Variants in USP15 observed in about 807,000 individuals in gnomAD.
USP15 encodes the protein ubiquitin carboxyl-terminal hydrolase 15.
In USP15, 18 loss-of-function variants were observed where a neutral mutation model predicts 127.1. That is an observed-to-expected ratio of 0.14 (90% CI 0.10 to 0.21). The LOEUF (loss-of-function observed/expected upper bound fraction) is 0.21. Ranked by LOEUF, USP15 falls within the 10% of genes least tolerant of loss-of-function variation. The probability of loss-of-function intolerance (pLI) is 1.00; values close to 1 mark genes in which losing one functional copy is unlikely to be tolerated. For synonymous variants in USP15, 364 were observed against 393.7 expected, an observed-to-expected ratio of 0.92 and a Z score of 0.89; for missense variants, 805 against 1,159.9, an observed-to-expected ratio of 0.69 and a Z score of 4.44.
At chr12:62,314,694 G>A (rs2064780496) in intron 3 of USP15, 96 bp from the exon 4 acceptor site, 1 of 1,166,538 alleles carries the variant, frequency 8.6e-7, no homozygotes. Flanking sequence ...TTTCACTGGA[G>A]ATCTGCAGTT....
At chr12:62,351,885 GT>G (rs1168079814) in intron 7 of USP15, among the ~76,000 whole-genome samples, 3,412 of 144,166 alleles carry the variant, frequency 0.024, 126 homozygotes, top group African/African-American at 0.078. Flanking sequence ...AAAATGGAAA[GT>G]TTTTTTTTTT....
At chr12:62,387,913 A>G (rs2067203822) in intron 11 of USP15, among the ~76,000 whole-genome samples, 1 of 152,102 alleles carries the variant, frequency 6.6e-6, no homozygotes, top group African/African-American at 2.4e-5. Flanking sequence ...ATAGACGCTA[A>G]GGTTAGCTTT....
intron 4 of USP15, among the ~76,000 whole-genome samples, chr12:62,319,632 C>G (rs1382691316): frequency 6.6e-6 from 1 of 152,166 alleles, no homozygotes; most frequent in Non-Finnish European, 1.5e-5. Flanking sequence ...ATTTGCACCT[C>G]AAGGCTTTTG....
rs1000375722 is a variant in USP15 at position 62,407,119 on chromosome 12, A to C, written c.*2744A>C. The stretch of plus-strand genomic sequence containing the variant: ...CTGTAGAATAATGATGATAATAGCC[A>C]GCATTTATTGAGCACTTACTATGGA... On this transcript the variant is annotated 3_prime_UTR_variant, in exon 22 of 22. Coordinates refer to ENST00000280377, the MANE Select transcript of USP15 (RefSeq NM_001252078.2). 3 of 152,204 alleles carry C rather than the reference A, an allele frequency of 2.0e-5. No homozygotes were observed. Among genetic ancestry groups the C allele is most frequent in the Non-Finnish European group, 2.9e-5 (2 of 68,030 alleles). The allele number at this position is 152,204 out of a possible 1,614,324, so 9.4% of individuals were successfully genotyped here. A position where few individuals can be genotyped will look rare whatever the true frequency, so the allele number is the denominator to read the frequency against.
At chr12:62,300,657 A>T (rs2064285066) in intron 2 of USP15, among the ~76,000 whole-genome samples, 1 of 152,160 alleles carries the variant, frequency 6.6e-6, no homozygotes, top group African/African-American at 2.4e-5. Flanking sequence ...TTCACTGGCA[A>T]AAGGATAGTC....
intron 1 of USP15, among the ~76,000 whole-genome samples, chr12:62,289,815 T>C (rs1249826024): frequency 6.6e-6 from 1 of 151,914 alleles, no homozygotes; most frequent in Non-Finnish European, 1.5e-5. Context: ...TATCTCCTTT[T>C]TCATTCATTT....
At chr12:62,336,814 A>G (rs1472733772) in intron 6 of USP15, 2 of 152,506 alleles carry the variant, frequency 1.3e-5, no homozygotes, top group African/African-American at 4.8e-5. Flanking sequence ...ACATGAAGCA[A>G]AATCAGCCTC....
intron 8 of USP15, among the ~76,000 whole-genome samples, chr12:62,379,532 T>G (rs940027887): frequency 1.1e-4 from 17 of 152,138 alleles, no homozygotes; most frequent in African/African-American, 3.9e-4. Context: ...GATAAGAGTA[T>G]ATGTGAATAA....
chr12:62,367,748 T>C (rs998430942), intron 8 of USP15, among the ~76,000 whole-genome samples: 2 of 152,178 alleles, frequency 1.3e-5, no homozygotes, highest in Non-Finnish European at 2.9e-5. Context: ...GTTTATCTTT[T>C]CTAAAAACTA....
At chr12:62,346,183 T>C (rs1355508009) in intron 6 of USP15, among the ~76,000 whole-genome samples, 1 of 152,218 alleles carries the variant, frequency 6.6e-6, no homozygotes, top group Non-Finnish European at 1.5e-5. Flanking sequence ...GTAGCAGATA[T>C]GCTTTATGCA....
intron 6 of USP15, among the ~76,000 whole-genome samples, chr12:62,328,014 G>A (rs1024803416): frequency 3.3e-5 from 5 of 152,060 alleles, no homozygotes; most frequent in African/African-American, 1.2e-4. Flanking sequence ...TAAGAATAAA[G>A]GGAAATTCTA....
Position 62,384,150 on chromosome 12 carries a change from C to G in USP15, c.1321C>G (p.Leu441Val), listed in dbSNP as rs1411792848. 6.2e-7 allele frequency: 1 copy of G among 1,612,764 alleles called. No homozygotes were observed. Among genetic ancestry groups the G allele is most frequent in the Non-Finnish European group, 8.5e-7 (1 of 1,179,258 alleles). ...DSIIVDIFHG[L>V]FKSTLVCPEC... ...TATCATAGTAGATATATTTCATGGC[C>G]TTTTCAAATCAACTTTAGTTTGTCC... The change falls in exon 11 of 22, where the codon CTT becomes GTT. Residue 441 changes from leucine to valine, a missense_variant. By Grantham distance (32) the Leu-to-Val change is conservative. This residue lies in a region of USP15 where 84 missense variants were observed against 210.3 expected (regional missense o/e 0.40). Transcript: ENST00000280377.
intron 17 of USP15, 129 bp from the exon 18 acceptor site, chr12:62,392,143 A>G: frequency 1.4e-6 from 1 of 737,100 alleles, no homozygotes; most frequent in South Asian, 1.8e-5. Context: ...TATAAATCTC[A>G]ACTGAAATAA....
intron 8 of USP15, among the ~76,000 whole-genome samples, chr12:62,368,003 G>A (rs879146542): frequency 8.5e-5 from 13 of 152,112 alleles, no homozygotes; most frequent in African/African-American, 2.7e-4. Context: ...ATTCTGGTAC[G>A]TTGTATCTTT....
chr12:62,382,310 A>G (rs1013780581), intron 9 of USP15, among the ~76,000 whole-genome samples: 1 of 151,960 alleles, frequency 6.6e-6, no homozygotes, highest in Non-Finnish European at 1.5e-5. Context: ...TGCCTACTTA[A>G]TTATATAGGT....
chr12:62,333,499 T>C (rs1382040626), intron 6 of USP15, among the ~76,000 whole-genome samples: 3 of 152,152 alleles, frequency 2.0e-5, no homozygotes, highest in Non-Finnish European at 4.4e-5. Flanking sequence ...GGTTTCACCA[T>C]GTTGCCCAGG....
Position 62,338,087 on chromosome 12 carries a change from G to A in USP15, c.684-11134G>A, listed in dbSNP as rs146609267. On this transcript the variant is annotated intron_variant, in intron 6 of 21. Transcript: ENST00000280377. Reference sequence around the variant, plus strand: ...TTCCACAATGGTTGAACTAATTTACGGTCCCACCAGTAGTGTAAAAGCATT... The same window carrying A: ...TTCCACAATGGTTGAACTAATTTACAGTCCCACCAGTAGTGTAAAAGCATT... Among the ~76,000 whole-genome samples the A allele has an allele frequency of 3.9e-3, 591 of 152,146 alleles. 5 individuals carry two copies. Among genetic ancestry groups the A allele is most frequent in the African/African-American group, 0.013 (529 of 41,516 alleles).
intron 8 of USP15, among the ~76,000 whole-genome samples, chr12:62,358,570 G>C (rs1432055632): frequency 6.6e-6 from 1 of 152,014 alleles, no homozygotes; most frequent in African/African-American, 2.4e-5. Flanking sequence ...ACAAAAATTA[G>C]CCGGGCATGA....
intron 6 of USP15, chr12:62,336,539 A>G (rs2065471746): frequency 4.3e-6 from 4 of 931,702 alleles, no homozygotes; most frequent in African/African-American, 1.8e-5. Flanking sequence ...CTTCTGTTAT[A>G]TGGGTTATAG....
Sources: gnomAD v4.1 joint callset for allele counts (sites outside exome capture counted in the v4.1 genomes callset) on GRCh38, gnomAD v4.1.1 for gene constraint, gnomAD v4.1.1 regional missense constraint, MANE v1.5 for transcripts, NCBI Gene and HGNC (gene_info 2026-07-23, HGNC 2026-07-21) for gene names.